PRKCB: variants seen among roughly 807,000 people sequenced by gnomAD.
The protein encoded by PRKCB is protein kinase C beta.
In PRKCB, 13 loss-of-function variants were observed where a neutral mutation model predicts 81.5. The observed-to-expected ratio is 0.16, with a 90% CI of 0.10 to 0.25. The LOEUF (loss-of-function observed/expected upper bound fraction) is 0.25, where lower values mean the gene tolerates loss of function less well. Ranked by LOEUF, PRKCB falls within the 10% of genes least tolerant of loss-of-function variation. PRKCB has a pLI of 1.00. For synonymous variants in PRKCB, 335 were observed against 321.4 expected (o/e 1.04, Z -0.45); for missense variants, 509 against 875.7 (o/e 0.58, Z 5.29).
At chr16:23,881,152 C>T (rs1356350665) in intron 2 of PRKCB, among the ~76,000 whole-genome samples, 1 of 152,038 alleles carries the variant, frequency 6.6e-6, no homozygotes, top group Non-Finnish European at 1.5e-5. Flanking sequence ...CCTGGGGGCC[C>T]AGGCCCATGA....
At chr16:23,983,226 C>T (rs1384696188) in intron 2 of PRKCB, among the ~76,000 whole-genome samples, 2 of 152,030 alleles carry the variant, frequency 1.3e-5, no homozygotes, top group Non-Finnish European at 2.9e-5. Context: ...AATAGGCAGC[C>T]CTACTATTTT....
chr16:24,082,545 A>T (rs746330198), intron 5 of PRKCB, among the ~76,000 whole-genome samples: 15 of 152,232 alleles, frequency 9.9e-5, no homozygotes, highest in Non-Finnish European at 1.6e-4. Flanking sequence ...AGAATCCAGA[A>T]ATAGACCCAC....
chr16:23,840,855 C>A (rs1033121102), intron 2 of PRKCB, among the ~76,000 whole-genome samples: 1 of 152,086 alleles, frequency 6.6e-6, no homozygotes, highest in Non-Finnish European at 1.5e-5. Flanking sequence ...GATGATAGGA[C>A]GAAACTCTAG....
chr16:24,181,537 C>A (rs184220365), intron 13 of PRKCB, among the ~76,000 whole-genome samples: 218 of 152,178 alleles, frequency 1.4e-3, no homozygotes, highest in African/African-American at 4.9e-3. Flanking sequence ...GAGGCAGAGG[C>A]AGGTGGATCA....
chr16:24,056,398 G>A (rs144745712), intron 5 of PRKCB, among the ~76,000 whole-genome samples: 3 of 152,352 alleles, frequency 2.0e-5, no homozygotes, highest in South Asian at 2.1e-4. Context: ...TGTCTCCAGC[G>A]TTCTTGAATA....
At chr16:23,875,867 A>G (rs188153077) in intron 2 of PRKCB, among the ~76,000 whole-genome samples, 106 of 152,264 alleles carry the variant, frequency 7.0e-4, no homozygotes, top group African/African-American at 2.5e-3. Context: ...ACGAAATACC[A>G]GTATTAGGTA....
chr16:24,151,661 G>A (rs1165160538), intron 9 of PRKCB: 5 of 397,052 alleles, frequency 1.3e-5, no homozygotes, highest in African/African-American at 2.1e-5. Context: ...ATGGAAGGAC[G>A]TCATAGACAG....
intron 2 of PRKCB, among the ~76,000 whole-genome samples, chr16:23,890,449 C>T (rs1266061983): frequency 1.3e-5 from 2 of 152,168 alleles, no homozygotes; most frequent in Non-Finnish European, 1.5e-5. Flanking sequence ...TTTTCTGTTA[C>T]TTCTATGAAA....
chr16:23,968,968 G>A (rs196011), intron 2 of PRKCB, among the ~76,000 whole-genome samples: 68,821 of 151,808 alleles, frequency 0.45, 15,927 homozygotes, highest in Admixed American at 0.54. Flanking sequence ...CCAGGAGTTC[G>A]AGACCAGCCT....
At chr16:23,836,373 T>C in intron 1 of PRKCB, 25 bp downstream of exon 1, 2 of 1,589,466 alleles carry the variant, frequency 1.3e-6, no homozygotes, top group South Asian at 1.1e-5. Flanking sequence ...GCAGGGCACC[T>C]TCCCGGGCCC....
intron 16 of PRKCB, among the ~76,000 whole-genome samples, chr16:24,192,713 A>C (rs977045834): frequency 2.0e-5 from 3 of 152,188 alleles, no homozygotes; most frequent in Non-Finnish European, 1.5e-5. Context: ...CAGTATCAGT[A>C]TGCAGTGTCA....
At chr16:24,078,262 T>C (rs1966205019) in intron 5 of PRKCB, among the ~76,000 whole-genome samples, 1 of 152,202 alleles carries the variant, frequency 6.6e-6, no homozygotes, top group South Asian at 2.1e-4. Context: ...GTTGAGCACC[T>C]CCTGCCTCCA....
chr16:23,926,104 G>A (rs1392981031), intron 2 of PRKCB, among the ~76,000 whole-genome samples: 2 of 151,710 alleles, frequency 1.3e-5, no homozygotes, highest in South Asian at 2.1e-4. Context: ...GTGAGACTCC[G>A]GCTCTATAAA....
intron 5 of PRKCB, among the ~76,000 whole-genome samples, chr16:24,050,390 G>A (rs1487625529): frequency 6.6e-6 from 1 of 152,058 alleles, no homozygotes. Context: ...GCCGAGGAGC[G>A]AAGGATTGTC....
Position 23,919,425 on chromosome 16 carries a change from C to T in PRKCB, c.206-69083C>T, listed in dbSNP as rs374373649. ...ACCTCCAAAATTTCCTGGAGTCTGA[C>T]AAAAATACCGGATAGGGTTCCTGAA... On this transcript the variant is annotated intron_variant, in intron 2 of 16. Transcript: ENST00000643927. 4.0e-5 allele frequency among the ~76,000 whole-genome samples: 6 copies of T among 149,702 alleles called. No homozygotes were observed. The South Asian group carries it at 6.3e-4, about 16-fold the overall frequency.
At chr16:24,049,758 C>T (rs1054398812) in intron 5 of PRKCB, among the ~76,000 whole-genome samples, 1 of 152,170 alleles carries the variant, frequency 6.6e-6, no homozygotes, top group Non-Finnish European at 1.5e-5. Context: ...TCAGGTTACA[C>T]TGGAAAACTC....
chr16:23,929,352 C>T (rs1347323861), intron 2 of PRKCB, among the ~76,000 whole-genome samples: 1 of 152,088 alleles, frequency 6.6e-6, no homozygotes, highest in East Asian at 1.9e-4. Context: ...TGGCTAAACG[C>T]ATGAACTCTT....
At chr16:24,212,461 C>CT (rs975667798) in intron 16 of PRKCB, among the ~76,000 whole-genome samples, 5,502 of 78,000 alleles carry the variant, frequency 0.071, 293 homozygotes, top group Non-Finnish European at 0.086. Context: ...CTTTTTTTTC[C>CT]TTTTTTTTTT....
chr16:24,056,847 A>G (rs1965908102), intron 5 of PRKCB, among the ~76,000 whole-genome samples: 1 of 152,190 alleles, frequency 6.6e-6, no homozygotes, highest in Admixed American at 6.5e-5. Context: ...TTTTCTTTAT[A>G]AAGTACCCAG....
Sources: gnomAD v4.1 joint callset for allele counts (sites outside exome capture counted in the v4.1 genomes callset) on GRCh38, gnomAD v4.1.1 for gene constraint, MANE v1.5 for transcripts, NCBI Gene and HGNC (gene_info 2026-07-23, HGNC 2026-07-21) for gene names.